ADGRL3: variants seen among roughly 807,000 people sequenced by gnomAD.
ADGRL3 encodes the protein adhesion G protein-coupled receptor L3, also known as calcium-independent alpha-latrotoxin receptor 3.
In ADGRL3, 62 loss-of-function variants were observed where a neutral mutation model predicts 153.5. The ratio of observed to expected loss-of-function variants is 0.40; its 90% CI spans 0.33 to 0.50. ADGRL3 has a LOEUF of 0.50. Among genes scored for constraint, ADGRL3 ranks in the 20% least tolerant of loss-of-function variants. The probability of loss-of-function intolerance (pLI) is 0.47; values close to 1 mark genes in which losing one functional copy is unlikely to be tolerated. For missense variants in ADGRL3, 1,641 were observed against 1,859.4 expected (o/e 0.88, Z 2.16); for synonymous variants, 710 against 672.5 (o/e 1.06, Z -0.86).
At chr4:61,403,652 GT>G (rs1217165420) in intron 2 of ADGRL3, among the ~76,000 whole-genome samples, 24 of 152,122 alleles carry the variant, frequency 1.6e-4, no homozygotes, top group Admixed American at 1.5e-3. Context: ...CCAAGGAGTT[GT>G]TTGTGGAAAT....
chr4:62,044,342 A>C (rs1244123880), intron 24 of ADGRL3, 111 bp from the exon 25 acceptor site: 1 of 714,700 alleles, frequency 1.4e-6, no homozygotes, highest in African/African-American at 1.8e-5. Flanking sequence ...CTATTTGCCA[A>C]ATGCTAGAAA....
chr4:61,454,369 TA>T (rs1248254396), intron 2 of ADGRL3, among the ~76,000 whole-genome samples: 2 of 152,214 alleles, frequency 1.3e-5, no homozygotes, highest in East Asian at 3.8e-4. Flanking sequence ...TCATTTAGAA[TA>T]ATATTCAGAT....
chr4:61,866,499 C>T (rs2098401077), intron 9 of ADGRL3, among the ~76,000 whole-genome samples: 1 of 152,154 alleles, frequency 6.6e-6, no homozygotes, highest in Non-Finnish European at 1.5e-5. Flanking sequence ...GGTTTGTGTG[C>T]TCTGCAGCTG....
At chr4:61,401,768 T>C (rs1339488577) in intron 2 of ADGRL3, among the ~76,000 whole-genome samples, 1 of 152,082 alleles carries the variant, frequency 6.6e-6, no homozygotes, top group East Asian at 1.9e-4. Flanking sequence ...CTGTAACATA[T>C]ATTCAAACCA....
intron 9 of ADGRL3, among the ~76,000 whole-genome samples, chr4:61,868,074 A>C (rs2098414091): frequency 6.6e-6 from 1 of 152,148 alleles, no homozygotes. Flanking sequence ...TATGCACAAA[A>C]AATTTAAATT....
intron 6 of ADGRL3, among the ~76,000 whole-genome samples, chr4:61,719,911 A>G (rs1264208897): frequency 5.9e-5 from 9 of 151,938 alleles, no homozygotes. Context: ...CCCCTGTCAG[A>G]CATTACTGAC....
At chr4:61,715,429 T>C (rs2096088090) in intron 6 of ADGRL3, among the ~76,000 whole-genome samples, 1 of 152,140 alleles carries the variant, frequency 6.6e-6, no homozygotes, top group Non-Finnish European at 1.5e-5. Flanking sequence ...GGTGCAGATA[T>C]AGGAGAATCA....
chr4:61,370,308 T>C (rs2096494642), intron 1 of ADGRL3, among the ~76,000 whole-genome samples: 1 of 151,596 alleles, frequency 6.6e-6, no homozygotes, highest in African/African-American at 2.4e-5. Context: ...TCTAGTTCTT[T>C]TAATTGTGAT....
rs1295973604 is a variant in ADGRL3 at position 61,971,292 on chromosome 4, T to A, written c.2806-8271T>A. On this transcript the variant is annotated intron_variant, in intron 17 of 26. Coordinates refer to ENST00000683033, the MANE Select transcript of ADGRL3 (RefSeq NM_001387552.1). ...ATTTAGCATTAGGTATATCTCCTAA[T>A]GCTATCCCTCCCCGCTCCCACCACC... 3.9e-5 allele frequency among the ~76,000 whole-genome samples: 6 copies of A among 152,054 alleles called. No homozygotes were observed. The East Asian group carries it at 1.2e-3, about 29-fold the overall frequency.
At chr4:61,223,979 C>G (rs1746785376) in intron 1 of ADGRL3, among the ~76,000 whole-genome samples, 2 of 151,926 alleles carry the variant, frequency 1.3e-5, no homozygotes, top group Non-Finnish European at 2.9e-5. Context: ...ACTTTCTATT[C>G]ATAAAATTTC....
At chr4:61,340,317 G>C (rs981666694) in intron 1 of ADGRL3, among the ~76,000 whole-genome samples, 1 of 151,928 alleles carries the variant, frequency 6.6e-6, no homozygotes, top group East Asian at 1.9e-4. Context: ...TTGTTCTCTC[G>C]TTTCCTCTTT....
intron 9 of ADGRL3, among the ~76,000 whole-genome samples, chr4:61,887,684 A>C (rs897330148): frequency 1.4e-4 from 22 of 152,068 alleles, no homozygotes; most frequent in Non-Finnish European, 1.6e-4. Context: ...GTCTCTACTA[A>C]AAATACAAAA....
intron 1 of ADGRL3, among the ~76,000 whole-genome samples, chr4:61,255,425 T>C (rs574449871): frequency 6.6e-6 from 1 of 152,284 alleles, no homozygotes; most frequent in African/African-American, 2.4e-5. Context: ...CTGTCATGAG[T>C]GAACTTGGCA....
chr4:62,019,933 G>A (rs17292177), intron 21 of ADGRL3, among the ~76,000 whole-genome samples: 3,148 of 152,186 alleles, frequency 0.021, 118 homozygotes, highest in East Asian at 0.16. Context: ...GTGGAGGCGA[G>A]AAAACTGAGG....
At chr4:61,642,533 A>C (rs1388491769) in intron 5 of ADGRL3, among the ~76,000 whole-genome samples, 5 of 152,138 alleles carry the variant, frequency 3.3e-5, no homozygotes, top group Non-Finnish European at 7.3e-5. Context: ...AGCACCATTT[A>C]TTAAATAGGG....
intron 1 of ADGRL3, among the ~76,000 whole-genome samples, chr4:61,309,070 C>T (rs947905617): frequency 6.6e-6 from 1 of 152,078 alleles, no homozygotes; most frequent in Non-Finnish European, 1.5e-5. Flanking sequence ...AGGTAAGTTT[C>T]AAGAGATCAA....
chr4:61,753,787 T>A (rs1407290398), intron 8 of ADGRL3, among the ~76,000 whole-genome samples: 3 of 152,206 alleles, frequency 2.0e-5, no homozygotes, highest in Non-Finnish European at 4.4e-5. Context: ...CCCATTAAAC[T>A]TTTCCTCATT....
chr4:61,305,557 C>T (rs903106150), intron 1 of ADGRL3, among the ~76,000 whole-genome samples: 52 of 152,014 alleles, frequency 3.4e-4, no homozygotes, highest in Admixed American at 3.4e-3. Context: ...GTGATTGTAG[C>T]CTTGAGGAAA....
At chr4:61,863,812 G>A (rs1315922670) in intron 9 of ADGRL3, among the ~76,000 whole-genome samples, 1 of 152,166 alleles carries the variant, frequency 6.6e-6, no homozygotes, top group Non-Finnish European at 1.5e-5. Flanking sequence ...AATCATACAA[G>A]CATTGTTTCA....
Sources: allele counts gnomAD v4.1 joint callset (sites outside exome capture counted in the v4.1 genomes callset), GRCh38; gene constraint gnomAD v4.1.1; transcripts MANE v1.5; gene names NCBI Gene and HGNC (gene_info 2026-07-23, HGNC 2026-07-21).